Variants in CSMD1 observed in about 807,000 individuals in gnomAD.
The protein encoded by CSMD1 is CUB and Sushi multiple domains 1.
Under a neutral mutation model 417.5 loss-of-function variants are expected in CSMD1, and 213 were observed. The observed-to-expected ratio is 0.51, with a 90% confidence interval of 0.46 to 0.57. CSMD1 has a LOEUF of 0.57. Ranked by LOEUF, CSMD1 falls within the 20% of genes least tolerant of loss-of-function variation. The pLI is 0.00. For missense variants in CSMD1, 6,923 were observed against 4,529.7 expected (o/e 1.53, Z -15.17); for synonymous variants, 2,862 against 1,736.8 (o/e 1.65, Z -16.11).
intron 5 of CSMD1, among the ~76,000 whole-genome samples, chr8:3,853,762 T>G (rs1042883776): frequency 5.9e-5 from 9 of 151,752 alleles, no homozygotes; most frequent in African/African-American, 2.2e-4. Context: ...GAGATATACC[T>G]AATGCTAAAT....
At chr8:4,051,342 A>T (rs1411202291) in intron 3 of CSMD1, among the ~76,000 whole-genome samples, 4 of 151,694 alleles carry the variant, frequency 2.6e-5, no homozygotes, top group Non-Finnish European at 5.9e-5. Context: ...AAGTAAAGCC[A>T]GACTCGGCAG....
At chr8:4,147,425 T>C (rs966535631) in intron 3 of CSMD1, among the ~76,000 whole-genome samples, 5 of 152,120 alleles carry the variant, frequency 3.3e-5, no homozygotes, top group African/African-American at 1.2e-4. Flanking sequence ...AGAATGGCTT[T>C]TCCACCTACC....
intron 29 of CSMD1, among the ~76,000 whole-genome samples, chr8:3,216,399 C>G (rs1286186341): frequency 6.6e-6 from 1 of 152,028 alleles, no homozygotes; most frequent in Non-Finnish European, 1.5e-5. Context: ...CAATATTTTC[C>G]CCTATTGAAA....
intron 2 of CSMD1, among the ~76,000 whole-genome samples, chr8:4,610,417 ATGG>A (rs1295538639): frequency 6.6e-6 from 1 of 152,184 alleles, no homozygotes; most frequent in East Asian, 1.9e-4. Flanking sequence ...TGTTCTTTTT[ATGG>A]TTAAGGATTT....
intron 11 of CSMD1, among the ~76,000 whole-genome samples, chr8:3,491,952 C>T (rs141423164): frequency 3.9e-5 from 6 of 152,244 alleles, no homozygotes; most frequent in Non-Finnish European, 8.8e-5. Context: ...TTGCTCACAG[C>T]CCAGAGGTCC....
At chr8:4,897,276 G>A in intron 1 of CSMD1, among the ~76,000 whole-genome samples, 1 of 151,912 alleles carries the variant, frequency 6.6e-6, no homozygotes, top group East Asian at 1.9e-4. Context: ...AAATTTAAGT[G>A]TTCATTTAGG....
At chr8:3,347,072 T>C (rs1428500540) in intron 22 of CSMD1, among the ~76,000 whole-genome samples, 1 of 152,208 alleles carries the variant, frequency 6.6e-6, no homozygotes, top group Non-Finnish European at 1.5e-5. Flanking sequence ...AGATAACTGA[T>C]AAGCTTAAAA....
intron 11 of CSMD1, among the ~76,000 whole-genome samples, chr8:3,474,736 A>G (rs1219998922): frequency 6.6e-6 from 1 of 152,144 alleles, no homozygotes; most frequent in East Asian, 1.9e-4. Context: ...TTAAGTGGGA[A>G]CTTACTATAC....
chr8:4,280,874 A>G (rs62478564), intron 3 of CSMD1, among the ~76,000 whole-genome samples: 19,363 of 152,276 alleles, frequency 0.13, 1,381 homozygotes, highest in Non-Finnish European at 0.16. Context: ...ATACAGCATT[A>G]GAAATACTTT....
chr8:4,412,245 C>A (rs1347526509), intron 3 of CSMD1, among the ~76,000 whole-genome samples: 1 of 152,118 alleles, frequency 6.6e-6, no homozygotes, highest in Non-Finnish European at 1.5e-5. Flanking sequence ...TAGGAGGTGA[C>A]TAGATCATGG....
At chr8:2,979,275 A>G (rs916166208) in intron 54 of CSMD1, among the ~76,000 whole-genome samples, 2 of 152,242 alleles carry the variant, frequency 1.3e-5, no homozygotes, top group African/African-American at 4.8e-5. Flanking sequence ...TCTATGTAGA[A>G]CGCAACTAAA....
chr8:4,113,390 CTTTTTTTTTTTTTTTTT>C (rs59647790), intron 3 of CSMD1, among the ~76,000 whole-genome samples: 2 of 81,202 alleles, frequency 2.5e-5, no homozygotes, highest in African/African-American at 1.0e-4. Flanking sequence ...AATAAAAGGG[CTTTTTTTTTTTTTTTTT>C]TTTTTTTTTT....
At chr8:3,983,158 T>C (rs143448070) in intron 5 of CSMD1, among the ~76,000 whole-genome samples, 2,676 of 127,670 alleles carry the variant, frequency 0.021, 89 homozygotes, top group African/African-American at 0.073. Flanking sequence ...TGAGACGGAC[T>C]CTCGCTCTGT....
In CSMD1 at chr8:4,710,315, C is replaced by T. The variant is rs58651639; in HGVS notation, c.86-72757G>A. On this transcript the variant is annotated intron_variant, in intron 1 of 69. Coordinates refer to ENST00000635120, the MANE Select transcript of CSMD1 (RefSeq NM_033225.6). ...TAATGTATATGTGTATACATTTAAA[C>T]GCATATAAACATATTCTAAAGTACA... is the stretch of plus-strand genomic sequence containing the variant. Among the ~76,000 whole-genome samples, 894 of 150,064 alleles carry T rather than the reference C, an allele frequency of 6.0e-3. 35 individuals are homozygous for T. The East Asian group carries it at 0.12, about 20-fold the overall frequency.
At position 4,928,593 on chromosome 8, in the gene CSMD1, G is replaced by A. The variant is rs1331116533; in HGVS notation, c.85+65739C>T. Among the ~76,000 whole-genome samples the A allele has an allele frequency of 4.6e-5, 7 of 152,224 alleles. No individual in the cohort carries two copies. In the South Asian group the frequency reaches 1.0e-3, roughly 23 times the overall value. Reference sequence around the variant, plus strand: ...GATGTGCACGATCATTTACGAAAGAGGCTATCCACAAACGCGCTGAGAAGT... The same window carrying A: ...GATGTGCACGATCATTTACGAAAGAAGCTATCCACAAACGCGCTGAGAAGT... On this transcript the variant is annotated intron_variant, in intron 1 of 69. Transcript: ENST00000635120.
At chr8:4,513,533 T>G (rs969309751) in intron 2 of CSMD1, among the ~76,000 whole-genome samples, 2 of 152,188 alleles carry the variant, frequency 1.3e-5, no homozygotes, top group Non-Finnish European at 2.9e-5. Context: ...AGAACTCTCG[T>G]TTCATGAAAT....
chr8:4,703,810 G>A (rs528224500), intron 1 of CSMD1, among the ~76,000 whole-genome samples: 1 of 152,120 alleles, frequency 6.6e-6, no homozygotes, highest in East Asian at 1.9e-4. Context: ...AAGCTCAACA[G>A]TCCCCAGCAT....
intron 10 of CSMD1, among the ~76,000 whole-genome samples, chr8:3,538,460 C>T (rs922140034): frequency 5.9e-5 from 9 of 152,034 alleles, no homozygotes; most frequent in Non-Finnish European, 1.0e-4. Context: ...ACCTGAGATG[C>T]CTCACCTAAG....
intron 5 of CSMD1, among the ~76,000 whole-genome samples, chr8:3,787,837 T>C (rs919136693): frequency 6.6e-6 from 1 of 152,194 alleles, no homozygotes; most frequent in African/African-American, 2.4e-5. Flanking sequence ...TGTCCTATCT[T>C]GCAAAGCAAG....
Sources: allele counts gnomAD v4.1 joint callset (sites outside exome capture counted in the v4.1 genomes callset), GRCh38; gene constraint gnomAD v4.1.1; transcripts MANE v1.5; gene names NCBI Gene and HGNC (gene_info 2026-07-23, HGNC 2026-07-21).